The following CTNND2 variants were observed in gnomAD, a reference collection of about 807,000 sequenced individuals.
The protein encoded by CTNND2 is catenin delta-2.
A neutral mutation model predicts 144.4 loss-of-function variants in CTNND2; 22 were observed. The observed-to-expected ratio is 0.15, with a 90% CI of 0.11 to 0.22. The LOEUF (loss-of-function observed/expected upper bound fraction) is 0.22, where lower values mean the gene tolerates loss of function less well. CTNND2 is among the 10% of genes least tolerant of loss of function. CTNND2 has a pLI of 1.00. For synonymous variants in CTNND2, 751 were observed against 695.6 expected (o/e 1.08, Z -1.25); for missense variants, 1,353 against 1,618.8 (o/e 0.84, Z 2.82).
At chr5:11,305,524 T>C (rs955567202) in intron 9 of CTNND2, among the ~76,000 whole-genome samples, 1 of 152,068 alleles carries the variant, frequency 6.6e-6, no homozygotes, top group Non-Finnish European at 1.5e-5. Flanking sequence ...TCACATCCTA[T>C]TGAATTGTTT....
At chr5:11,571,221 G>A (rs1329545697) in intron 2 of CTNND2, among the ~76,000 whole-genome samples, 3 of 152,076 alleles carry the variant, frequency 2.0e-5, no homozygotes, top group African/African-American at 7.2e-5. Context: ...ATTTTTGAAG[G>A]TATCTCAACT....
intron 3 of CTNND2, among the ~76,000 whole-genome samples, chr5:11,510,876 A>G (rs1201658325): frequency 6.6e-6 from 1 of 152,172 alleles, no homozygotes; most frequent in East Asian, 1.9e-4. Context: ...GGTTGCAGTG[A>G]GCCGAGATTG....
intron 9 of CTNND2, among the ~76,000 whole-genome samples, chr5:11,264,551 C>A (rs886444793): frequency 6.6e-6 from 1 of 152,192 alleles, no homozygotes; most frequent in South Asian, 2.1e-4. Context: ...GGAGTTTCAA[C>A]TGACACCACA....
rs899031355 is a variant in CTNND2, at chr5:11,805,937, T to C, written c.38-73665A>G. ...AAGTGAGCAAGGTCAACGTCAATAA[T>C]GGTCAGTCATGTCAACAGTGTATAC... On this transcript the variant is annotated intron_variant, in intron 1 of 21. Coordinates refer to ENST00000304623, the MANE Select transcript of CTNND2 (RefSeq NM_001332.4). Among the ~76,000 whole-genome samples the C allele has an allele frequency of 3.9e-5, 6 of 152,130 alleles. No homozygotes were observed. In the East Asian group the frequency reaches 9.6e-4, roughly 24 times the overall value.
intron 1 of CTNND2, among the ~76,000 whole-genome samples, chr5:11,871,303 G>A (rs1276604626): frequency 1.3e-5 from 2 of 152,218 alleles, no homozygotes; most frequent in Non-Finnish European, 2.9e-5. Context: ...GGCTTAGTCT[G>A]TAGATGATAC....
chr5:11,883,587 G>A (rs1413073407), intron 1 of CTNND2, among the ~76,000 whole-genome samples: 1 of 152,138 alleles, frequency 6.6e-6, no homozygotes, highest in Non-Finnish European at 1.5e-5. Flanking sequence ...TCACTGATGG[G>A]CATTTGGGTT....
chr5:11,593,156 G>A (rs1779339117), intron 2 of CTNND2, among the ~76,000 whole-genome samples: 1 of 152,056 alleles, frequency 6.6e-6, no homozygotes, highest in Admixed American at 6.5e-5. Flanking sequence ...GAGTAGCCAA[G>A]GCTTTCTTAA....
At chr5:11,529,525 A>G (rs1773553394) in intron 3 of CTNND2, among the ~76,000 whole-genome samples, 1 of 152,238 alleles carries the variant, frequency 6.6e-6, no homozygotes. Context: ...CACGGGAAAA[A>G]AAATGATTCA....
chr5:11,569,230 A>C (rs1226445686), intron 2 of CTNND2, among the ~76,000 whole-genome samples: 1 of 152,148 alleles, frequency 6.6e-6, no homozygotes, highest in Non-Finnish European at 1.5e-5. Context: ...CCAATGGTAA[A>C]AGAAGTTATA....
intron 9 of CTNND2, among the ~76,000 whole-genome samples, chr5:11,334,569 C>A (rs918180640): frequency 6.6e-6 from 1 of 152,166 alleles, no homozygotes; most frequent in South Asian, 2.1e-4. Flanking sequence ...AAAGACTGGA[C>A]GCCCTCTGCC....
At chr5:11,260,691 T>G (rs143346766) in intron 9 of CTNND2, among the ~76,000 whole-genome samples, 6 of 152,086 alleles carry the variant, frequency 3.9e-5, no homozygotes, top group Non-Finnish European at 5.9e-5. Context: ...CAGTCACCAC[T>G]CAAAGGTCCC....
Position 11,513,524 on chromosome 5 carries a change from CT to C in CTNND2, c.287+51419del, listed in dbSNP as rs753434157. ...ACCTACTTTCACTCAATTTTTCTTC[CT>C]TTCTCCATTTCACTTTACAAATTGT... On this transcript the variant is annotated intron_variant, in intron 3 of 21. Coordinates refer to ENST00000304623, the MANE Select transcript of CTNND2 (RefSeq NM_001332.4). Among the ~76,000 whole-genome samples, 6 of 152,264 alleles carry C rather than the reference CT, an allele frequency of 3.9e-5. No homozygotes were observed. In the East Asian group the frequency reaches 7.7e-4, roughly 20 times the overall value.
chr5:11,817,506 C>A (rs1793051476), intron 1 of CTNND2, among the ~76,000 whole-genome samples: 1 of 146,074 alleles, frequency 6.8e-6, no homozygotes, highest in African/African-American at 2.5e-5. Context: ...GTCAGCATAG[C>A]ACCAACACAA....
intron 2 of CTNND2, among the ~76,000 whole-genome samples, chr5:11,723,858 AT>A (rs34972278): frequency 1.3e-5 from 2 of 151,442 alleles, no homozygotes; most frequent in Admixed American, 6.6e-5. Context: ...AGATCGAGAC[AT>A]TCCTGGCTAG....
At chr5:11,341,467 T>C (rs1447315931) in intron 9 of CTNND2, among the ~76,000 whole-genome samples, 1 of 152,196 alleles carries the variant, frequency 6.6e-6, no homozygotes, top group African/African-American at 2.4e-5. Context: ...CAGAAGTCTT[T>C]AAGTTGTGAA....
intron 1 of CTNND2, among the ~76,000 whole-genome samples, chr5:11,901,524 T>C (rs190187486): frequency 1.6e-4 from 25 of 152,340 alleles, no homozygotes; most frequent in African/African-American, 6.0e-4. Flanking sequence ...GTAAAGTGGA[T>C]AGAAATACTG....
chr5:11,842,546 C>T (rs1794525346), intron 1 of CTNND2, among the ~76,000 whole-genome samples: 1 of 151,796 alleles, frequency 6.6e-6, no homozygotes, highest in Non-Finnish European at 1.5e-5. Context: ...GATGAAACCC[C>T]ATCTCTACTA....
intron 7 of CTNND2, among the ~76,000 whole-genome samples, chr5:11,367,479 G>A (rs896885740): frequency 5.9e-5 from 9 of 152,196 alleles, no homozygotes; most frequent in Non-Finnish European, 1.2e-4. Context: ...ATTAGATGGT[G>A]TATATATTTG....
At chr5:11,048,456 G>A (rs917658573) in intron 16 of CTNND2, among the ~76,000 whole-genome samples, 3 of 152,190 alleles carry the variant, frequency 2.0e-5, no homozygotes, top group African/African-American at 7.2e-5. Flanking sequence ...TTAGTTGCCT[G>A]GGAAACAGCA....
Sources: allele counts gnomAD v4.1 joint callset (sites outside exome capture counted in the v4.1 genomes callset), GRCh38; gene constraint gnomAD v4.1.1; transcripts MANE v1.5; gene names NCBI Gene and HGNC (gene_info 2026-07-23, HGNC 2026-07-21).